The following CACNA1C variants were observed in gnomAD, a reference collection of about 807,000 sequenced individuals.
The protein encoded by CACNA1C is calcium voltage-gated channel subunit alpha1 C.
Under a neutral mutation model 229.0 loss-of-function variants are expected in CACNA1C, and 30 were observed. That is an observed-to-expected ratio of 0.13 (90% confidence interval 0.10 to 0.18). CACNA1C has a LOEUF of 0.18. Among genes scored for constraint, CACNA1C ranks in the 10% least tolerant of loss-of-function variants. The probability of loss-of-function intolerance (pLI) is 1.00; values close to 1 mark genes in which losing one functional copy is unlikely to be tolerated. For missense variants in CACNA1C, 1,658 were observed against 2,845.0 expected, an observed-to-expected ratio of 0.58 and a Z score of 9.49; for synonymous variants, 1,114 against 1,132.5, an observed-to-expected ratio of 0.98 and a Z score of 0.33.
intron 3 of CACNA1C, among the ~76,000 whole-genome samples, chr12:2,179,604 A>G (rs1308961638): frequency 1.3e-5 from 2 of 152,232 alleles, no homozygotes; most frequent in Non-Finnish European, 2.9e-5. Context: ...GAATGCTGCT[A>G]GAATATTGGC....
At chr12:1,983,503 T>C (rs1289720854) in intron 1 of CACNA1C, among the ~76,000 whole-genome samples, 1 of 152,052 alleles carries the variant, frequency 6.6e-6, no homozygotes, top group African/African-American at 2.4e-5. Context: ...AAGTATGCTG[T>C]TTAATTTCCA....
At chr12:2,063,870 G>A (rs960674395) in intron 1 of CACNA1C, among the ~76,000 whole-genome samples, 1 of 152,150 alleles carries the variant, frequency 6.6e-6, no homozygotes, top group African/African-American at 2.4e-5. Context: ...GTATCTATTT[G>A]AATCCATTTT....
chr12:2,288,011 T>C (rs1173517016), intron 3 of CACNA1C: 1 of 151,430 alleles, frequency 6.6e-6, no homozygotes, highest in Non-Finnish European at 1.5e-5. Flanking sequence ...TAACTATTCA[T>C]TGGTCAGACT....
At position 2,585,802 on chromosome 12, in the gene CACNA1C, T is replaced by C; in HGVS notation, c.2461-33T>C. 6.7e-7 allele frequency: 1 copy of C among 1,494,526 alleles called. No homozygotes were observed. The highest frequency in any genetic ancestry group is 9.2e-7 in the Non-Finnish European group (1 of 1,088,452). The allele number at this position is 1,494,526 out of a possible 1,614,324, so 92.6% of individuals were successfully genotyped here. A position where few individuals can be genotyped will look rare whatever the true frequency, so the allele number is the denominator to read the frequency against. ...CTCTTAACTTGGGGACGTATCTAAC[T>C]ATTCTTCCCCCTTCTCCCCTGTGAC... On this transcript the variant is annotated intron_variant, in intron 17 of 46. Coordinates refer to ENST00000399655, the MANE Select transcript of CACNA1C (RefSeq NM_000719.7). This position sits in a 1 kb window ranked among gnomAD's most constrained non-coding sequence, Gnocchi z 4.1.
At chr12:2,201,115 T>C (rs1178733897) in intron 3 of CACNA1C, among the ~76,000 whole-genome samples, 1 of 152,208 alleles carries the variant, frequency 6.6e-6, no homozygotes. Context: ...GCTGCCATGT[T>C]GATTCCTCCT....
At chr12:2,255,814 A>G (rs561387253) in intron 3 of CACNA1C, among the ~76,000 whole-genome samples, 114 of 152,290 alleles carry the variant, frequency 7.5e-4, no homozygotes, top group African/African-American at 2.6e-3. Context: ...CTAGTTTACA[A>G]TCACACGATC....
chr12:1,994,374 T>C (rs1297502123), intron 1 of CACNA1C, among the ~76,000 whole-genome samples: 1 of 152,234 alleles, frequency 6.6e-6, no homozygotes, highest in Non-Finnish European at 1.5e-5. Flanking sequence ...TTACCTCTAT[T>C]TGATACTGAT....
At chr12:2,610,313 C>T (rs777650506) in intron 27 of CACNA1C, among the ~76,000 whole-genome samples, 44 of 152,116 alleles carry the variant, frequency 2.9e-4, no homozygotes, top group Admixed American at 1.3e-3. Context: ...GGGGATTTGA[C>T]AAGAAGGGGC....
At chr12:2,558,737 G>A (rs188722742) in intron 11 of CACNA1C, among the ~76,000 whole-genome samples, 27 of 152,290 alleles carry the variant, frequency 1.8e-4, no homozygotes, top group African/African-American at 5.8e-4. Context: ...GGTGACCAAG[G>A]GCTAAAAATT....
Position 2,457,582 on chromosome 12 carries a change from T to C in CACNA1C, c.633T>C (p.Ile211=), listed in dbSNP as rs756606716. The C allele has an allele frequency of 4.3e-6, 7 of 1,611,618 alleles. No homozygotes were observed. In the South Asian group the frequency reaches 7.7e-5, roughly 18 times the overall value. Reference sequence around the variant, plus strand: ...TCTCTTCTAGGCTTTTTAGTGCAATTTTAGAACAAGCAACCAAAGCAGATG... The same window carrying C: ...TCTCTTCTAGGCTTTTTAGTGCAATCTTAGAACAAGCAACCAAAGCAGATG... ...IIVVVGLFSA[I]LEQATKADGA... The change falls in exon 5 of 47, where the codon ATT becomes ATC. Residue 211 remains isoleucine, a synonymous_variant. Transcript: ENST00000399655.
intron 3 of CACNA1C, among the ~76,000 whole-genome samples, chr12:2,195,303 C>A (rs2097367081): frequency 6.6e-6 from 1 of 152,172 alleles, no homozygotes; most frequent in South Asian, 2.1e-4. Flanking sequence ...AGGAGGGATT[C>A]TTCCGCAGGA....
At chr12:2,478,182 C>T (rs544349054) in intron 5 of CACNA1C, among the ~76,000 whole-genome samples, 2 of 152,104 alleles carry the variant, frequency 1.3e-5, no homozygotes, top group Non-Finnish European at 2.9e-5. Context: ...TCATATTTTC[C>T]TAGGTGAAGA....
chr12:2,507,623 C>G (rs1430178564), intron 8 of CACNA1C, among the ~76,000 whole-genome samples: 1 of 152,232 alleles, frequency 6.6e-6, no homozygotes, highest in Admixed American at 6.5e-5. Context: ...CATTAACAGT[C>G]ACTAGCATTC....
intron 3 of CACNA1C, among the ~76,000 whole-genome samples, chr12:2,125,909 A>G (rs990707632): frequency 1.2e-4 from 19 of 152,346 alleles, no homozygotes; most frequent in Admixed American, 5.2e-4. Flanking sequence ...TCTATTTAGC[A>G]AAGCACACTC....
intron 3 of CACNA1C, among the ~76,000 whole-genome samples, chr12:2,122,956 A>T (rs552774944): frequency 2.6e-5 from 4 of 152,142 alleles, no homozygotes; most frequent in Non-Finnish European, 5.9e-5. Context: ...TGGTCTGGGG[A>T]TGCGCATCAA....
Position 2,135,618 on chromosome 12 carries a change from C to T in CACNA1C, c.477+15188C>T, listed in dbSNP as rs1163076664. Among the ~76,000 whole-genome samples the T allele has an allele frequency of 1.5e-4, 21 of 138,714 alleles. 1 individual carries two copies. In the East Asian group the frequency reaches 2.0e-3, roughly 13 times the overall value. 91.0% of individuals were successfully genotyped at this position (138,714 alleles called of 152,430 possible). A position where few individuals can be genotyped will look rare whatever the true frequency, so the allele number is the denominator to read the frequency against. Reference sequence around the variant, plus strand: ...GGGGGTGCCTCCCAGTTAGGCTGCTCAGGGGTCAGGGGTCAGGGACCCACT... The same window carrying T: ...GGGGGTGCCTCCCAGTTAGGCTGCTTAGGGGTCAGGGGTCAGGGACCCACT... On this transcript the variant is annotated intron_variant, in intron 3 of 46. Coordinates refer to ENST00000399655, the MANE Select transcript of CACNA1C (RefSeq NM_000719.7).
At chr12:2,450,553 CAAAAAAAA>C (rs796416420) in intron 4 of CACNA1C, among the ~76,000 whole-genome samples, 12 of 39,014 alleles carry the variant, frequency 3.1e-4, no homozygotes, top group East Asian at 2.7e-3. Context: ...GACTCCATCT[CAAAAAAAA>C]AAAAAAAAAA....
chr12:2,541,972 A>G (rs1440798667), intron 9 of CACNA1C, among the ~76,000 whole-genome samples: 1 of 152,128 alleles, frequency 6.6e-6, no homozygotes, highest in Non-Finnish European at 1.5e-5. Context: ...CAGGCCGGAT[A>G]TTCTCTATGA....
chr12:2,493,124 T>C lies in CACNA1C; in HGVS notation c.917-66T>C, dbSNP rs1273499387. 1.4e-6 allele frequency: 2 copies of C among 1,409,530 alleles called. No homozygotes were observed. The highest frequency in any genetic ancestry group is 2.0e-6 in the Non-Finnish European group (2 of 1,001,724). The allele number at this position is 1,409,530 out of a possible 1,614,324, so 87.3% of individuals were successfully genotyped here. The stretch of plus-strand genomic sequence containing the variant: ...CATCCTGTCACTTTTCTCTCTGACT[T>C]CTTTCTCTGCCCACATCTCTCCCTC... On this transcript the variant is annotated intron_variant, in intron 6 of 46. Coordinates refer to ENST00000399655, the MANE Select transcript of CACNA1C (RefSeq NM_000719.7). This position sits in a 1 kb window ranked among gnomAD's most constrained non-coding sequence, Gnocchi z 4.6.
Sources: gnomAD v4.1 joint callset for allele counts (sites outside exome capture counted in the v4.1 genomes callset) on GRCh38, gnomAD v4.1.1 for gene constraint, Gnocchi (gnomAD v3.1) non-coding constraint, MANE v1.5 for transcripts, NCBI Gene and HGNC (gene_info 2026-07-23, HGNC 2026-07-21) for gene names.